Variants in PARP12 observed in about 807,000 individuals in gnomAD.
PARP12 encodes the protein poly(ADP-ribose) polymerase family member 12.
A neutral mutation model predicts 72.4 loss-of-function variants in PARP12; 59 were observed. The observed-to-expected ratio is 0.81, with a 90% confidence interval of 0.66 to 1.01. The LOEUF (loss-of-function observed/expected upper bound fraction) is 1.01, where lower values mean the gene tolerates loss of function less well. PARP12 is among the 50% of genes least tolerant of loss of function. The probability of loss-of-function intolerance (pLI) is 0.00; values close to 1 mark genes in which losing one functional copy is unlikely to be tolerated. For missense variants in PARP12, 851 were observed against 914.0 expected, an observed-to-expected ratio of 0.93 and a Z score of 0.89; for synonymous variants, 403 against 371.4, an observed-to-expected ratio of 1.09 and a Z score of -0.98.
intron 8 of PARP12, chr7:140,033,945 C>T (rs573954902): frequency 2.4e-5 from 25 of 1,036,084 alleles, no homozygotes; most frequent in Non-Finnish European, 2.7e-5. Flanking sequence ...AAAAGACAAA[C>T]GGATGGGTTG....
chr7:140,055,767 C>T (rs1817153999), intron 3 of PARP12, among the ~76,000 whole-genome samples: 1 of 152,142 alleles, frequency 6.6e-6, no homozygotes, highest in Admixed American at 6.5e-5. Flanking sequence ...TCTAGGATTC[C>T]TACAACTGAA....
chr7:140,044,389 A>G (rs909354026), intron 5 of PARP12, among the ~76,000 whole-genome samples: 8 of 152,224 alleles, frequency 5.3e-5, no homozygotes, highest in African/African-American at 1.7e-4. Flanking sequence ...AAATTTGAAC[A>G]CAGACACATG....
rs537521341 is a variant in PARP12 at position 140,054,772 on chromosome 7, A to C, written c.761-9T>G. The C allele has an allele frequency of 6.3e-7, 1 of 1,592,880 alleles. No individual in the cohort carries two copies. The highest frequency in any genetic ancestry group is 1.7e-5 in the Admixed American group (1 of 60,004). ...TGAACTGTCTTTTCTTTCTGCAAAGAAACACCACAAAGATATGTCAGCTTC... is the reference window on the plus strand; with the variant it reads ...TGAACTGTCTTTTCTTTCTGCAAAGCAACACCACAAAGATATGTCAGCTTC... On this transcript the variant is annotated splice_polypyrimidine_tract_variant and intron_variant, in intron 3 of 11. Coordinates refer to ENST00000263549, the MANE Select transcript of PARP12 (RefSeq NM_022750.4).
intron 1 of PARP12, among the ~76,000 whole-genome samples, chr7:140,061,290 A>G (rs1257164059): frequency 6.6e-6 from 1 of 152,152 alleles, no homozygotes; most frequent in Non-Finnish European, 1.5e-5. Context: ...GCCCCCTCGA[A>G]CTTGATAACC....
intron 8 of PARP12, chr7:140,033,189 A>T: frequency 1.0e-6 from 1 of 982,616 alleles, no homozygotes; most frequent in Non-Finnish European, 1.2e-6. Context: ...CACTGCACCC[A>T]GCGCAAAAAT....
In PARP12 at chr7:140,024,812, G is replaced by C. The variant is rs1208532436; in HGVS notation, c.1854C>G (p.Phe618Leu). 2 of 1,614,194 alleles carry C rather than the reference G, an allele frequency of 1.2e-6. No individual in the cohort carries two copies. Among genetic ancestry groups the C allele is most frequent in the Admixed American group, 1.7e-5 (1 of 60,028 alleles). Residue 618 changes from phenylalanine (F) to leucine (L), a missense_variant, in exon 12 of 12, where the codon TTC becomes TTG. Around this residue, in one of 3 missense-constraint regions of PARP12, gnomAD observed 347 missense variants for 396.1 expected, o/e 0.88. Coordinates refer to ENST00000263549, the MANE Select transcript of PARP12 (RefSeq NM_022750.4). ...SKSDTQTHTMFLARVLVGEFV... is the reference protein window; with the variant it reads ...SKSDTQTHTMLLARVLVGEFV... The stretch of plus-strand genomic sequence containing the variant: ...ACTCGCCCACCAGCACCCGGGCCAG[G>C]AACATCGTGTGGGTCTGCGTGTCGG...
intron 4 of PARP12, among the ~76,000 whole-genome samples, chr7:140,047,736 G>A (rs940639540): frequency 2.0e-5 from 3 of 151,910 alleles, no homozygotes; most frequent in African/African-American, 7.3e-5. Context: ...TCCCATCTCA[G>A]CCTCCTCAGT....
chr7:140,038,774 G>A (rs1317052713), intron 6 of PARP12, among the ~76,000 whole-genome samples: 2 of 152,070 alleles, frequency 1.3e-5, no homozygotes, highest in African/African-American at 2.4e-5. Context: ...TAGTTCTCCT[G>A]GGTCACAAGC....
At chr7:140,052,895 AACC>A (rs1456095821) in intron 4 of PARP12, among the ~76,000 whole-genome samples, 1 of 152,224 alleles carries the variant, frequency 6.6e-6, no homozygotes, top group Non-Finnish European at 1.5e-5. Context: ...TGCAAATTAA[AACC>A]ACGAGACATC....
chr7:140,060,137 T>C (rs1189755247), intron 1 of PARP12, among the ~76,000 whole-genome samples: 1 of 152,156 alleles, frequency 6.6e-6, no homozygotes, highest in Non-Finnish European at 1.5e-5. Flanking sequence ...CCTGTGAGGG[T>C]AGTAATATCA....
In PARP12 at chr7:140,034,334, G is replaced by A. The variant is rs530502432; in HGVS notation, c.1325-3C>T. The A allele has an allele frequency of 5.6e-6, 9 of 1,602,980 alleles. No homozygotes were observed. Among genetic ancestry groups the A allele is most frequent in the Middle Eastern group, 1.7e-4 (1 of 6,006 alleles). On this transcript the variant is annotated splice_polypyrimidine_tract_variant and splice_region_variant and intron_variant, in intron 7 of 11. Coordinates refer to ENST00000263549, the MANE Select transcript of PARP12 (RefSeq NM_022750.4). ...GACCAGGTTTTTCTGAACGAAGGCT[G>A]AAAAAAAACATAACCAGTGAAAAAA... is the stretch of plus-strand genomic sequence containing the variant.
chr7:140,056,600 C>T (rs1817188293), intron 3 of PARP12, among the ~76,000 whole-genome samples: 1 of 152,184 alleles, frequency 6.6e-6, no homozygotes, highest in African/African-American at 2.4e-5. Flanking sequence ...TAGGCCCATC[C>T]AGAATTCACT....
chr7:140,047,097 T>C, intron 4 of PARP12, 90 bp from the exon 5 acceptor site: 6 of 1,404,320 alleles, frequency 4.3e-6, no homozygotes, highest in Non-Finnish European at 5.7e-6. Context: ...TGCTGCCCAC[T>C]GACCTGGGAA....
chr7:140,024,930 CAGGA>C, intron 11 of PARP12, 45 bp from the exon 12 acceptor site: 1 of 1,570,470 alleles, frequency 6.4e-7, no homozygotes, highest in Non-Finnish European at 8.7e-7. Flanking sequence ...GGCCTGCAGC[CAGGA>C]AGGGTCAGCA....
At chr7:140,041,929 G>T (rs1169675274) in intron 5 of PARP12, 90 bp from the exon 6 acceptor site, 2 of 1,122,810 alleles carry the variant, frequency 1.8e-6, no homozygotes, top group African/African-American at 1.6e-5. Flanking sequence ...TGGGAGATGC[G>T]AATAGTAAAT....
chr7:140,047,215 T>C (rs545884623), intron 4 of PARP12, among the ~76,000 whole-genome samples: 21 of 152,364 alleles, frequency 1.4e-4, no homozygotes, highest in African/African-American at 4.3e-4. Flanking sequence ...ATGATTTAAA[T>C]GTCTGTCCCT....
In PARP12 at chr7:140,027,621, C is replaced by T. The variant is rs1337694812; in HGVS notation, c.1498-215G>A. 5 of 422,650 alleles carry T rather than the reference C, an allele frequency of 1.2e-5. No homozygotes were observed. The East Asian group carries it at 1.7e-4, about 15-fold the overall frequency. 26.2% of individuals were successfully genotyped at this position (422,650 alleles called of 1,614,324 possible). On this transcript the variant is annotated intron_variant, in intron 9 of 11. Transcript: ENST00000263549. Reference sequence around the variant, plus strand: ...TTGGAAACTGCAATTTTAAGTAAAACAACAAACCTCTTGTTTATGTCAGTT... The same window carrying T: ...TTGGAAACTGCAATTTTAAGTAAAATAACAAACCTCTTGTTTATGTCAGTT...
rs1405212275 is a variant in PARP12 at position 140,024,311 on chromosome 7, A to C, written c.*249T>G. 1.2e-5 allele frequency: 6 copies of C among 507,264 alleles called. No homozygotes were observed. The East Asian group carries it at 2.2e-4, about 18-fold the overall frequency. 31.4% of individuals were successfully genotyped at this position (507,264 alleles called of 1,614,324 possible). A position where few individuals can be genotyped will look rare whatever the true frequency, so the allele number is the denominator to read the frequency against. ...CAAAGTCAACAAAGAGTAAAAACTA[A>C]AACTTCAACACATTATTAAAAAGCA... is the stretch of plus-strand genomic sequence containing the variant. On this transcript the variant is annotated 3_prime_UTR_variant, in exon 12 of 12. Transcript: ENST00000263549.
rs147572823 is a variant in PARP12 at position 140,026,320 on chromosome 7, C to T, written c.1657G>A (p.Gly553Arg). Residue 553 changes from glycine to arginine, a missense_variant, in exon 11 of 12, where the codon GGA becomes AGA. Around this residue, in one of 3 missense-constraint regions of PARP12, gnomAD observed 347 missense variants for 396.1 expected, o/e 0.88. Transcript: ENST00000263549. ...WQKGQMQKQN[G>R]GKAVDERQLF... ...TGCCGCTCGTCCACGGCCTTCCCTC[C>T]GTTCTGCTTCTGCATCTGTCCTTTT... The T allele has an allele frequency of 4.8e-5, 78 of 1,612,324 alleles. No individual in the cohort carries two copies. Among genetic ancestry groups the T allele is most frequent in the African/African-American group, 2.0e-4 (15 of 75,074 alleles).
Sources: gnomAD v4.1 joint callset for allele counts (sites outside exome capture counted in the v4.1 genomes callset) on GRCh38, gnomAD v4.1.1 for gene constraint, gnomAD v4.1.1 regional missense constraint, MANE v1.5 for transcripts, NCBI Gene and HGNC (gene_info 2026-07-23, HGNC 2026-07-21) for gene names.